The following MTMR3 variants were observed in gnomAD, a reference collection of about 807,000 sequenced individuals.
MTMR3 encodes the protein phosphatidylinositol-3,5-bisphosphate 3-phosphatase MTMR3.
MTMR3 carries 32 observed loss-of-function variants against 132.4 expected under a neutral mutation model. The observed-to-expected ratio is 0.24, with a 90% CI of 0.18 to 0.32. The LOEUF is 0.32. MTMR3 is among the 10% of genes least tolerant of loss of function. The pLI is 1.00. For synonymous variants in MTMR3, 556 were observed against 550.3 expected (o/e 1.01, Z -0.14); for missense variants, 1,216 against 1,489.6 (o/e 0.82, Z 3.02).
chr22:29,913,306 C>G (rs889263763), intron 1 of MTMR3, among the ~76,000 whole-genome samples: 1 of 152,140 alleles, frequency 6.6e-6, no homozygotes, highest in African/African-American at 2.4e-5. Flanking sequence ...ATTCCTAAAG[C>G]GTACATTCCA....
In MTMR3 at chr22:29,922,242, C is replaced by T. The variant is rs532396507; in HGVS notation, c.-137-34794C>T. Among the ~76,000 whole-genome samples the T allele has an allele frequency of 3.8e-3, 574 of 152,268 alleles. 1 individual carries two copies. Among genetic ancestry groups the T allele is most frequent in the African/African-American group, 0.013 (532 of 41,534 alleles). On this transcript the variant is annotated intron_variant, in intron 1 of 19. Coordinates refer to ENST00000401950, the MANE Select transcript of MTMR3 (RefSeq NM_021090.4). ...CCATGTTGGCCAGGCTGGTCTCAAA[C>T]TCCTGACCTCAGGTGATTCTCCTGC... is the stretch of plus-strand genomic sequence containing the variant.
intron 1 of MTMR3, among the ~76,000 whole-genome samples, chr22:29,940,332 C>T (rs947030446): frequency 2.0e-5 from 3 of 150,824 alleles, no homozygotes; most frequent in Admixed American, 6.6e-5. Context: ...TGAGATCCAC[C>T]CCCTGCCCAC....
At chr22:29,975,601 ATG>A (rs112246583) in intron 3 of MTMR3, among the ~76,000 whole-genome samples, 42 of 152,286 alleles carry the variant, frequency 2.8e-4, no homozygotes, top group African/African-American at 9.6e-4. Flanking sequence ...TTGACAAGTG[ATG>A]TGTTTTTTTG....
chr22:29,889,679 T>A (rs1216473066), intron 1 of MTMR3, among the ~76,000 whole-genome samples: 4 of 152,136 alleles, frequency 2.6e-5, no homozygotes, highest in Non-Finnish European at 5.9e-5. Flanking sequence ...TTTTTTCTTA[T>A]ACATATCTAT....
intron 11 of MTMR3, 55 bp from the exon 12 acceptor site, chr22:30,008,963 C>T: frequency 8.0e-7 from 1 of 1,248,602 alleles, no homozygotes; most frequent in Non-Finnish European, 1.2e-6. Flanking sequence ...TAAATTTGGC[C>T]ATGTGGGCTT....
intron 9 of MTMR3, chr22:30,005,339 T>C (rs567336567): frequency 2.0e-5 from 3 of 152,248 alleles, no homozygotes; most frequent in Non-Finnish European, 4.4e-5. Context: ...AATTGTTTAT[T>C]GCAATAGTCC....
At chr22:29,994,133 T>G (rs2067015611) in intron 7 of MTMR3, 1 of 985,310 alleles carries the variant, frequency 1.0e-6, no homozygotes, top group Admixed American at 6.1e-5. Context: ...CTATGTGCCA[T>G]GCTTATGAAA....
intron 12 of MTMR3, 45 bp downstream of exon 12, chr22:30,009,174 A>G (rs1474030167): frequency 5.3e-6 from 7 of 1,315,990 alleles, no homozygotes; most frequent in African/African-American, 4.4e-5. Context: ...CTCTTAAATA[A>G]TAAGTTTGCT....
chr22:30,016,408 G>T, intron 14 of MTMR3, 120 bp from the exon 15 acceptor site: 2 of 1,183,854 alleles, frequency 1.7e-6, no homozygotes, highest in Non-Finnish European at 2.4e-6. Flanking sequence ...TGGGTTCCCC[G>T]TCCTGACAGA....
At chr22:29,981,961 G>C (rs1240283539) in intron 5 of MTMR3, 1 of 152,030 alleles carries the variant, frequency 6.6e-6, no homozygotes, top group East Asian at 1.9e-4. Context: ...TGTAATCCCA[G>C]CACTTTGGGA....
In MTMR3 at chr22:30,007,197, A is replaced by G; in HGVS notation, c.755A>G (p.His252Arg). 1 of 1,614,226 alleles carries G rather than the reference A, an allele frequency of 6.2e-7. No individual in the cohort carries two copies. The highest frequency in any genetic ancestry group is 8.5e-7 in the Non-Finnish European group (1 of 1,180,032). ...GGCTGGCGAAATGCAGATGATGAGC[A>G]TCTGGTACAGTCAGTAGCCAAAGCT... ...WWGWRNADDE[H>R]LVQSVAKACA... The change falls in exon 10 of 20, where the codon CAT becomes CGT. Residue 252 changes from histidine (H) to arginine (R), a missense_variant. Physicochemically the swap from His to Arg is conservative, Grantham distance 29. Around this residue, in one of 7 missense-constraint regions of MTMR3, gnomAD observed 129 missense variants for 245.7 expected, o/e 0.53. Transcript: ENST00000401950.
intron 5 of MTMR3, chr22:29,986,773 C>G: frequency 5.3e-6 from 1 of 187,022 alleles, no homozygotes; most frequent in Non-Finnish European, 1.0e-5. Context: ...AAGCGATTCT[C>G]CCGCCTCAGC....
intron 2 of MTMR3, among the ~76,000 whole-genome samples, chr22:29,968,569 T>G (rs1012411001): frequency 3.9e-5 from 6 of 152,178 alleles, no homozygotes; most frequent in Admixed American, 3.3e-4. Context: ...CATCTTTACC[T>G]TCCTATCTAA....
intron 7 of MTMR3, chr22:29,997,549 T>TA (rs1353308790): frequency 6.6e-6 from 1 of 152,262 alleles, no homozygotes; most frequent in East Asian, 1.9e-4. Context: ...ACTGAATTTA[T>TA]GTTAGCTTCG....
intron 1 of MTMR3, among the ~76,000 whole-genome samples, chr22:29,951,295 C>T (rs2066074883): frequency 6.6e-6 from 1 of 152,144 alleles, no homozygotes; most frequent in Non-Finnish European, 1.5e-5. Flanking sequence ...TTAATCTCTT[C>T]TGCTGCTAAA....
rs1384381990 is a variant in MTMR3 at position 30,025,500 on chromosome 22, G to A, written c.3426-130G>A. On this transcript the variant is annotated intron_variant, in intron 19 of 19. Transcript: ENST00000401950. ...CAGCTTGTTCCTGGGCTAGAGAGATGAAAGGGTTTGATCTCAAGGAGCTCC... is the reference window on the plus strand; with the variant it reads ...CAGCTTGTTCCTGGGCTAGAGAGATAAAAGGGTTTGATCTCAAGGAGCTCC... 3.3e-6 allele frequency: 3 copies of A among 912,182 alleles called. No individual in the cohort carries two copies. The African/African-American group carries it at 4.9e-5, about 15-fold the overall frequency. The allele number at this position is 912,182 out of a possible 1,614,324, so 56.5% of individuals were successfully genotyped here.
chr22:29,980,025 C>T (rs9625896), intron 5 of MTMR3: 15,609 of 152,222 alleles, frequency 0.1, 821 homozygotes, highest in Middle Eastern at 0.14. Flanking sequence ...CAAATGCCTT[C>T]TTCCTTCTTT....
intron 1 of MTMR3, among the ~76,000 whole-genome samples, chr22:29,884,465 G>A (rs2064624953): frequency 6.6e-6 from 1 of 151,076 alleles, no homozygotes; most frequent in Non-Finnish European, 1.5e-5. Context: ...CTGTTCAGTA[G>A]GACAGGAGAC....
At chr22:29,989,859 A>G (rs2066926256) in intron 6 of MTMR3, 1 of 152,180 alleles carries the variant, frequency 6.6e-6, no homozygotes, top group Non-Finnish European at 1.5e-5. Flanking sequence ...ACTTTGAAAC[A>G]ATGCAAATGT....
Sources: gnomAD v4.1 joint callset for allele counts (sites outside exome capture counted in the v4.1 genomes callset) on GRCh38, gnomAD v4.1.1 for gene constraint, gnomAD v4.1.1 regional missense constraint, MANE v1.5 for transcripts, NCBI Gene and HGNC (gene_info 2026-07-23, HGNC 2026-07-21) for gene names.